The following ADAMTS17 variants were observed in gnomAD, a reference collection of about 807,000 sequenced individuals.
The protein encoded by ADAMTS17 is A disintegrin and metalloproteinase with thrombospondin motifs 17.
Under a neutral mutation model 141.5 loss-of-function variants are expected in ADAMTS17, and 113 were observed. The observed-to-expected ratio is 0.80, with a 90% CI of 0.69 to 0.93. The LOEUF (loss-of-function observed/expected upper bound fraction) is 0.93, where lower values mean the gene tolerates loss of function less well. Ranked by LOEUF, ADAMTS17 falls within the 40% of genes least tolerant of loss-of-function variation. The pLI is 0.00. For missense variants in ADAMTS17, 1,659 were observed against 1,517.9 expected, an observed-to-expected ratio of 1.09 and a Z score of -1.54; for synonymous variants, 768 against 630.6, an observed-to-expected ratio of 1.22 and a Z score of -3.27.
At chr15:99,991,324 G>GA (rs1451659533) in intron 20 of ADAMTS17, among the ~76,000 whole-genome samples, 2 of 152,022 alleles carry the variant, frequency 1.3e-5, no homozygotes, top group Non-Finnish European at 2.9e-5. Context: ...AAATTTACAA[G>GA]AAAAAACCAA....
chr15:100,248,526 T>G (rs1326417410), intron 7 of ADAMTS17, among the ~76,000 whole-genome samples: 1 of 152,186 alleles, frequency 6.6e-6, no homozygotes, highest in African/African-American at 2.4e-5. Flanking sequence ...ACAGCACCTA[T>G]GTCACAACAG....
In ADAMTS17 at chr15:100,154,329, T is replaced by C. The variant is rs142210015; in HGVS notation, c.1322+851A>G. ...GACTACATTAAAAGTAATGAGTGCA[T>C]TGTTAAGCTGGTTTACCACTGAACA... On this transcript the variant is annotated intron_variant, in intron 9 of 21. Transcript: ENST00000268070. Among the ~76,000 whole-genome samples, 608 of 152,282 alleles carry C rather than the reference T, an allele frequency of 4.0e-3. 2 individuals are homozygous for C. Among genetic ancestry groups the C allele is most frequent in the African/African-American group, 0.014 (569 of 41,568 alleles).
chr15:100,309,704 C>A (rs866911237), intron 3 of ADAMTS17, among the ~76,000 whole-genome samples: 8 of 152,234 alleles, frequency 5.3e-5, no homozygotes, highest in South Asian at 2.1e-4. Flanking sequence ...ATGCCTGGCT[C>A]ATATCTTGCT....
In ADAMTS17 at chr15:99,993,332, C is replaced by G; in HGVS notation, c.2797-132G>C. 1 of 1,343,452 alleles carries G rather than the reference C, an allele frequency of 7.4e-7. No individual in the cohort carries two copies. 83.2% of individuals were successfully genotyped at this position (1,343,452 alleles called of 1,614,324 possible). A position where few individuals can be genotyped will look rare whatever the true frequency, so the allele number is the denominator to read the frequency against. On this transcript the variant is annotated intron_variant, in intron 19 of 21. Transcript: ENST00000268070. The surrounding 1 kb of genome is among the most constrained non-coding windows in gnomAD (Gnocchi z 4.3). ...AGATGAAAACCCACACTTCTGTCCT[C>G]AAAAAGCTCCTGGTCTGCAGGGTCT...
intron 7 of ADAMTS17, among the ~76,000 whole-genome samples, chr15:100,201,034 C>G (rs1380640752): frequency 6.6e-6 from 1 of 152,194 alleles, no homozygotes; most frequent in Non-Finnish European, 1.5e-5. Flanking sequence ...ACAGGGGAAC[C>G]ATTTCATTAA....
intron 19 of ADAMTS17, among the ~76,000 whole-genome samples, chr15:99,996,333 A>C (rs960046533): frequency 2.0e-5 from 3 of 152,158 alleles, no homozygotes; most frequent in African/African-American, 7.2e-5. Flanking sequence ...TTAAAACCCA[A>C]AGGCTCACCT....
chr15:100,170,281 T>C (rs2040111159), intron 8 of ADAMTS17, among the ~76,000 whole-genome samples: 1 of 152,178 alleles, frequency 6.6e-6, no homozygotes, highest in Admixed American at 6.5e-5. Context: ...CTTTCACAGT[T>C]GAGATACAGG....
At chr15:100,183,106 A>AGCCTCC (rs2141542002) in intron 8 of ADAMTS17, among the ~76,000 whole-genome samples, 1 of 152,210 alleles carries the variant, frequency 6.6e-6, no homozygotes, top group Non-Finnish European at 1.5e-5. Flanking sequence ...CTCCAGCCTC[A>AGCCTCC]GCCTCCTGAG....
chr15:100,207,142 C>A (rs1169896628), intron 7 of ADAMTS17, among the ~76,000 whole-genome samples: 1 of 152,068 alleles, frequency 6.6e-6, no homozygotes, highest in Admixed American at 6.6e-5. Flanking sequence ...CAAGGTGGGG[C>A]CCTGATCCAA....
intron 10 of ADAMTS17, 100 bp downstream of exon 10, chr15:100,152,512 G>T: frequency 6.6e-7 from 1 of 1,507,658 alleles, no homozygotes; most frequent in Non-Finnish European, 9.1e-7. Flanking sequence ...ATGTGCCTGT[G>T]CTGAGTGTGA....
chr15:100,315,023 G>T (rs953461460), intron 3 of ADAMTS17, among the ~76,000 whole-genome samples: 1 of 152,242 alleles, frequency 6.6e-6, no homozygotes, highest in African/African-American at 2.4e-5. Flanking sequence ...TGAGGGACAA[G>T]GGGGCAAACC....
At chr15:100,311,838 A>T (rs1241208056) in intron 3 of ADAMTS17, among the ~76,000 whole-genome samples, 10 of 152,212 alleles carry the variant, frequency 6.6e-5, no homozygotes, top group Non-Finnish European at 1.3e-4. Flanking sequence ...GGAAAAAAAA[A>T]AAATACTTAA....
intron 7 of ADAMTS17, among the ~76,000 whole-genome samples, chr15:100,248,514 G>C (rs1392272976): frequency 1.3e-5 from 2 of 152,182 alleles, no homozygotes; most frequent in East Asian, 3.9e-4. Flanking sequence ...TTCTCACCCA[G>C]GACAGCACCT....
chr15:100,152,363 G>A (rs920772225), intron 10 of ADAMTS17, among the ~76,000 whole-genome samples: 1 of 151,918 alleles, frequency 6.6e-6, no homozygotes, highest in Admixed American at 6.5e-5. Flanking sequence ...ATGTGTGCCT[G>A]CAACTGCATG....
intron 8 of ADAMTS17, among the ~76,000 whole-genome samples, chr15:100,163,955 C>A (rs1460684177): frequency 1.3e-5 from 2 of 152,220 alleles, no homozygotes; most frequent in African/African-American, 4.8e-5. Flanking sequence ...CCTATTCTTG[C>A]TGAGCACCTT....
chr15:100,293,908 G>A (rs1049674706), intron 3 of ADAMTS17, among the ~76,000 whole-genome samples: 10 of 152,140 alleles, frequency 6.6e-5, no homozygotes. Flanking sequence ...AATGAAATAC[G>A]AGTCACTTCC....
intron 10 of ADAMTS17, among the ~76,000 whole-genome samples, chr15:100,142,756 C>G (rs568629473): frequency 2.0e-5 from 3 of 152,184 alleles, no homozygotes; most frequent in African/African-American, 7.2e-5. Context: ...TACCAAAAGG[C>G]AATTAACGAG....
chr15:100,153,185 T>C (rs75442799), intron 9 of ADAMTS17, among the ~76,000 whole-genome samples: 16,556 of 152,250 alleles, frequency 0.11, 1,033 homozygotes, highest in Middle Eastern at 0.21. Context: ...AAAATCAAAG[T>C]GCTTATTTCC....
chr15:100,213,781 C>A (rs151325420), intron 7 of ADAMTS17, among the ~76,000 whole-genome samples: 1 of 152,340 alleles, frequency 6.6e-6, no homozygotes, highest in East Asian at 1.9e-4. Context: ...TGTCAAGGGG[C>A]AGGTTTCTCC....
Sources: allele counts gnomAD v4.1 joint callset (sites outside exome capture counted in the v4.1 genomes callset), GRCh38; gene constraint gnomAD v4.1.1; non-coding constraint Gnocchi (gnomAD v3.1); transcripts MANE v1.5; gene names NCBI Gene and HGNC (gene_info 2026-07-23, HGNC 2026-07-21).